Variants in ANKRD26 observed in about 807,000 individuals in gnomAD.
The protein encoded by ANKRD26 is ankyrin repeat domain 26.
ANKRD26 carries 141 observed loss-of-function variants against 208.7 expected under a neutral mutation model. The observed-to-expected ratio is 0.68, with a 90% CI of 0.59 to 0.78. The LOEUF (loss-of-function observed/expected upper bound fraction) is 0.78. ANKRD26 is among the 30% of genes least tolerant of loss of function. The probability of loss-of-function intolerance (pLI) is 0.00; values close to 1 mark genes in which losing one functional copy is unlikely to be tolerated. For synonymous variants in ANKRD26, 636 were observed against 660.4 expected (o/e 0.96, Z 0.57); for missense variants, 1,889 against 1,938.7 (o/e 0.97, Z 0.48).
Position 27,065,929 on chromosome 10 carries a change from G to A in ANKRD26, c.1269+558C>T, listed in dbSNP as rs1466958921. On this transcript the variant is annotated intron_variant, in intron 11 of 33. Transcript: ENST00000376087. ...TTGCCAGGATGGAGTGCAGCAGCGC[G>A]ATCTCAGCTCACTACAACCTCTGCC... Among the ~76,000 whole-genome samples the A allele has an allele frequency of 6.7e-5, 9 of 133,900 alleles. No homozygotes were observed. In the South Asian group the frequency reaches 7.4e-4, roughly 11 times the overall value. 87.8% of individuals were successfully genotyped at this position (133,900 alleles called of 152,430 possible). A position where few individuals can be genotyped will look rare whatever the true frequency, so the allele number is the denominator to read the frequency against.
chr10:26,964,889 T>C, the ANKRD26 span, among the ~76,000 whole-genome samples: 2 of 152,230 alleles, frequency 1.3e-5, no homozygotes, highest in African/African-American at 4.8e-5. Context: ...AGCTCAAATA[T>C]ACAAATCTGA....
chr10:26,955,906 TGTAGCA>T, the ANKRD26 span, among the ~76,000 whole-genome samples: 10 of 152,360 alleles, frequency 6.6e-5, no homozygotes, highest in East Asian at 1.9e-3. Context: ...GAGTACGTCT[TGTAGCA>T]GTTTCAAAGG....
At chr10:27,048,280 T>A (rs1477922333) in intron 17 of ANKRD26, among the ~76,000 whole-genome samples, 1 of 152,202 alleles carries the variant, frequency 6.6e-6, no homozygotes, top group Non-Finnish European at 1.5e-5. Context: ...CTTAGCAACA[T>A]GTGTATATAT....
rs1455698323 is a variant in ANKRD26 at position 27,082,832 on chromosome 10, C to T, written c.711G>A (p.Val237=). 6.3e-7 allele frequency: 1 copy of T among 1,589,596 alleles called. No individual in the cohort carries two copies. The highest frequency in any genetic ancestry group is 1.4e-5 in the African/African-American group (1 of 74,004). The change falls in exon 6 of 34, where the codon GTG becomes GTA. Residue 237 remains valine, a splice_region_variant and synonymous_variant. Coordinates refer to ENST00000376087, the MANE Select transcript of ANKRD26 (RefSeq NM_014915.3). ...TTAAGGAGTCTTCAGAGCTTTCATCCACTATTAAAGAGAAAAGTAAAACAC... is the reference window on the plus strand; with the variant it reads ...TTAAGGAGTCTTCAGAGCTTTCATCTACTATTAAAGAGAAAAGTAAAACAC... ...PKHSSQNSNS[V]DESSEDSLSR... is the part of the protein sequence containing the mutation.
In ANKRD26 at chr10:26,992,640, T is replaced by C. The variant is rs78835041; in HGVS notation, c.*30-635A>G. ...ACAACTATTACTCTAGCCTTTTTGG[T>C]TGCATGTTGACTTACTTGCAAGAAT... On this transcript the variant is annotated intron_variant, in intron 5 of 5. Transcript: ENST00000445828. Among the ~76,000 whole-genome samples the C allele has an allele frequency of 6.0e-3, 917 of 152,244 alleles. 11 individuals are homozygous for C. The highest frequency in any genetic ancestry group is 0.021 in the African/African-American group (879 of 41,538).
At chr10:26,971,239 C>A (rs923523329), downstream of ANKRD26, among the ~76,000 whole-genome samples, 1 of 151,992 alleles carries the variant, frequency 6.6e-6, no homozygotes, top group Non-Finnish European at 1.5e-5. Context: ...CAAAATTAGC[C>A]GAGCTTGGTG....
chr10:26,953,406 T>C, the ANKRD26 span, among the ~76,000 whole-genome samples: 1 of 152,194 alleles, frequency 6.6e-6, no homozygotes. Context: ...CTCTCCAGTG[T>C]GGATGAAAGA....
At position 27,092,443 on chromosome 10, in the gene ANKRD26, T is replaced by C. The variant is rs746480095; in HGVS notation, c.601A>G (p.Lys201Glu). The change falls in exon 4 of 34, where the codon AAA becomes GAA. Residue 201 changes from lysine (K) to glutamate (E), a missense_variant. Transcript: ENST00000376087. ...TCTACTGCATTTACATTTGCTTTTT[T>C]CTTTATTAAAAATTCCACCATTTGC... The part of the protein sequence containing the change: ...KQQMVEFLIK[K>E]KANVNAVDKL... 2 of 1,613,530 alleles carry C rather than the reference T, an allele frequency of 1.2e-6. No homozygotes were observed. The highest frequency in any genetic ancestry group is 1.1e-5 in the South Asian group (1 of 91,044).
Position 27,046,521 on chromosome 10 carries a change from C to G in ANKRD26, c.1817G>C (p.Ser606Thr), listed in dbSNP as rs775584015. 1 of 1,612,424 alleles carries G rather than the reference C, an allele frequency of 6.2e-7. No individual in the cohort carries two copies. The highest frequency in any genetic ancestry group is 8.5e-7 in the Non-Finnish European group (1 of 1,179,764). Residue 606 changes from serine (S) to threonine (T), a missense_variant and splice_region_variant, in exon 18 of 34, where the codon AGT (serine) becomes ACT (threonine). Around this residue, in one of 3 missense-constraint regions of ANKRD26, gnomAD observed 1,272 missense variants for 1,273.8 expected, o/e 1.00. Coordinates refer to ENST00000376087, the MANE Select transcript of ANKRD26 (RefSeq NM_014915.3). ...PRKENKEYAS[S>T]GPALQMKEVK... is the part of the protein sequence containing the mutation. ...TTCCTTCATTTGCAAGGCAGGACCACTACTTTAAAAAATCCATGGGAAATG... is the reference window on the plus strand; with the variant it reads ...TTCCTTCATTTGCAAGGCAGGACCAGTACTTTAAAAAATCCATGGGAAATG...
intron 1 of ANKRD26, 142 bp from the exon 2 acceptor site, chr10:27,093,941 A>G: frequency 1.4e-6 from 1 of 738,308 alleles, no homozygotes; most frequent in South Asian, 1.5e-5. Flanking sequence ...CTGTGTCCCC[A>G]ACCAAATCCC....
At chr10:27,063,234 T>C (rs1197461650) in intron 12 of ANKRD26, among the ~76,000 whole-genome samples, 1 of 152,146 alleles carries the variant, frequency 6.6e-6, no homozygotes, top group Non-Finnish European at 1.5e-5. Flanking sequence ...CTCTGACAAG[T>C]TTTGGTACTG....
chr10:27,022,460 A>T, intron 29 of ANKRD26, 98 bp downstream of exon 29: 3 of 493,250 alleles, frequency 6.1e-6, no homozygotes, highest in Non-Finnish European at 6.2e-6. Flanking sequence ...CCCTAAAGTT[A>T]AAAAAAAAAA....
chr10:27,017,815 T>A lies in ANKRD26; in HGVS notation c.4216-23A>T, dbSNP rs375948173. On this transcript the variant is annotated intron_variant, in intron 29 of 33. Transcript: ENST00000376087. ...AATCTGAATGAAGACAATAATATAG[T>A]GTAATAATGAAGGAAGTAGCCTGAG... 14 of 1,602,446 alleles carry A rather than the reference T, an allele frequency of 8.7e-6. No individual in the cohort carries two copies. The African/African-American group carries it at 1.6e-4, about 18-fold the overall frequency.
the ANKRD26 span, among the ~76,000 whole-genome samples, chr10:26,954,561 G>A: frequency 3.3e-5 from 5 of 151,764 alleles, no homozygotes; most frequent in South Asian, 2.1e-4. Context: ...TCCTGCTAGC[G>A]TATTAATTGG....
intron 4 of ANKRD26, among the ~76,000 whole-genome samples, chr10:27,090,493 A>G (rs532805638): frequency 2.8e-4 from 42 of 152,330 alleles, no homozygotes; most frequent in Non-Finnish European, 5.1e-4. Context: ...CCAATTTAGT[A>G]TCTTGCCTGT....
At chr10:27,033,079 T>A (rs1225514947) in intron 25 of ANKRD26, 146 bp downstream of exon 25, 5 of 436,454 alleles carry the variant, frequency 1.1e-5, no homozygotes, top group African/African-American at 1.1e-4. Flanking sequence ...CGAGACTCCA[T>A]CTCAAAAAAA....
intron 9 of ANKRD26, among the ~76,000 whole-genome samples, chr10:27,073,179 C>T (rs2055569028): frequency 6.6e-6 from 1 of 152,206 alleles, no homozygotes; most frequent in South Asian, 2.1e-4. Context: ...GGGACAGGTG[C>T]AGTGCTGGGC....
intron 3 of ANKRD26, among the ~76,000 whole-genome samples, chr10:26,984,723 C>T (rs1459592189): frequency 2.0e-5 from 3 of 152,160 alleles, no homozygotes; most frequent in Non-Finnish European, 2.9e-5. Context: ...ACACATGGGC[C>T]TTCCCATTAT....
intron 5 of ANKRD26, among the ~76,000 whole-genome samples, chr10:26,976,225 T>C (rs982570625): frequency 1.1e-4 from 16 of 151,926 alleles, no homozygotes; most frequent in Non-Finnish European, 1.0e-4. Context: ...TTTTTTTCTT[T>C]TTTTTTTGAG....
Sources: allele counts gnomAD v4.1 joint callset (sites outside exome capture counted in the v4.1 genomes callset), GRCh38; gene constraint gnomAD v4.1.1; regional missense constraint gnomAD v4.1.1; transcripts MANE v1.5; gene names NCBI Gene and HGNC (gene_info 2026-07-23, HGNC 2026-07-21).